The following DDX31 variants were observed in gnomAD, a reference collection of about 807,000 sequenced individuals.
The protein encoded by DDX31 is DEAD-box helicase 31.
A neutral mutation model predicts 91.3 loss-of-function variants in DDX31; 70 were observed. The observed-to-expected ratio is 0.77, with a 90% CI of 0.63 to 0.94. The LOEUF (loss-of-function observed/expected upper bound fraction) is 0.94, where lower values mean the gene tolerates loss of function less well. DDX31 is among the 40% of genes least tolerant of loss of function. The pLI is 0.00. For synonymous variants in DDX31, 362 were observed against 350.6 expected, an observed-to-expected ratio of 1.03 and a Z score of -0.36; for missense variants, 902 against 925.0, an observed-to-expected ratio of 0.98 and a Z score of 0.32.
intron 11 of DDX31, among the ~76,000 whole-genome samples, chr9:132,647,641 G>A (rs1833919802): frequency 6.6e-6 from 1 of 152,188 alleles, no homozygotes; most frequent in Non-Finnish European, 1.5e-5. Flanking sequence ...AAGCTGCACT[G>A]CTGGTCAATG....
At chr9:132,615,567 C>T (rs1185791000) in intron 18 of DDX31, among the ~76,000 whole-genome samples, 3 of 151,790 alleles carry the variant, frequency 2.0e-5, no homozygotes, top group Non-Finnish European at 4.4e-5. Context: ...TGTGGGTTTT[C>T]TAGACTTTGA....
intron 6 of DDX31, chr9:132,658,017 C>A: frequency 2.9e-6 from 1 of 343,108 alleles, no homozygotes; most frequent in East Asian, 4.4e-5. Context: ...AAGCAAACAC[C>A]ACATTGGAAC....
intron 19 of DDX31, among the ~76,000 whole-genome samples, chr9:132,605,855 A>C (rs1233990422): frequency 6.6e-6 from 1 of 152,066 alleles, no homozygotes; most frequent in African/African-American, 2.4e-5. Flanking sequence ...GCCTAACGGG[A>C]TGCCACTGAA....
intron 1 of DDX31, among the ~76,000 whole-genome samples, chr9:132,665,625 A>G (rs1027118118): frequency 6.6e-6 from 1 of 152,102 alleles, no homozygotes; most frequent in Non-Finnish European, 1.5e-5. Flanking sequence ...TCTACTAAAA[A>G]TCTACTAAAA....
At chr9:132,651,771 A>G (rs1282785401) in intron 7 of DDX31, among the ~76,000 whole-genome samples, 1 of 152,218 alleles carries the variant, frequency 6.6e-6, no homozygotes, top group Non-Finnish European at 1.5e-5. Flanking sequence ...CATATTTAGT[A>G]TTCATGAAGC....
chr9:132,606,259 G>A (rs1831016050), intron 19 of DDX31, among the ~76,000 whole-genome samples: 1 of 152,212 alleles, frequency 6.6e-6, no homozygotes, highest in Non-Finnish European at 1.5e-5. Context: ...TTCCAGGTTT[G>A]CCTTCAGCTA....
chr9:132,612,489 G>A (rs7018517), intron 18 of DDX31, among the ~76,000 whole-genome samples: 1,613 of 152,270 alleles, frequency 0.011, 12 homozygotes, highest in African/African-American at 0.032. Context: ...GAATATGCCC[G>A]ATAAAATATC....
In DDX31 at chr9:132,632,102, G is replaced by A. The variant is rs979959763; in HGVS notation, c.1441-11C>T. On this transcript the variant is annotated splice_polypyrimidine_tract_variant and intron_variant, in intron 14 of 19. Transcript: ENST00000372159. ...CCGAGCTGCAACATCCTTTAACAAAGAAAAGAATATGGTTTAACACTGAGT... is the reference window on the plus strand; with the variant it reads ...CCGAGCTGCAACATCCTTTAACAAAAAAAAGAATATGGTTTAACACTGAGT... The A allele has an allele frequency of 1.2e-6, 2 of 1,611,812 alleles. No individual in the cohort carries two copies. Among genetic ancestry groups the A allele is most frequent in the African/African-American group, 2.7e-5 (2 of 74,782 alleles).
chr9:132,625,290 C>T (rs989495692), intron 17 of DDX31, among the ~76,000 whole-genome samples: 1 of 152,126 alleles, frequency 6.6e-6, no homozygotes, highest in African/African-American at 2.4e-5. Context: ...TTATTTCTTC[C>T]ATGCTGTCTG....
intron 19 of DDX31, among the ~76,000 whole-genome samples, chr9:132,601,931 G>A (rs2119206440): frequency 6.6e-6 from 1 of 152,348 alleles, no homozygotes; most frequent in African/African-American, 2.4e-5. Context: ...TGTTAGGAAA[G>A]TACTCAGTAA....
intron 19 of DDX31, among the ~76,000 whole-genome samples, chr9:132,602,434 AGG>A (rs1218501744): frequency 3.9e-4 from 60 of 152,322 alleles, no homozygotes; most frequent in African/African-American, 1.4e-3. Context: ...CACTGAGCTA[AGG>A]CTGCACATTC....
chr9:132,648,225 G>T lies in DDX31; in HGVS notation c.931C>A (p.Arg311=). The change falls in exon 11 of 20, where the codon CGA becomes AGA. Residue 311 remains arginine, a synonymous_variant. Transcript: ENST00000372159. ...GTCGCTGATAGCAAGACATTCTGTC[G>T]TTTTTGGCATTCAGCATTTACAGCA... ...LNAVNAECQK[R]QNVLLSATLT... 1 of 1,613,852 alleles carries T rather than the reference G, an allele frequency of 6.2e-7. No homozygotes were observed. The highest frequency in any genetic ancestry group is 8.5e-7 in the Non-Finnish European group (1 of 1,179,950).
intron 19 of DDX31, among the ~76,000 whole-genome samples, chr9:132,609,673 G>A (rs530101812): frequency 2.6e-5 from 4 of 152,034 alleles, no homozygotes; most frequent in Non-Finnish European, 5.9e-5. Flanking sequence ...CCAGGCTGGA[G>A]TGCAGTGGCG....
intron 4 of DDX31, chr9:132,660,981 G>C: frequency 1.9e-6 from 1 of 516,406 alleles, no homozygotes; most frequent in East Asian, 3.4e-5. Context: ...TGGATGAGAC[G>C]TCTCTTGCGG....
intron 7 of DDX31, among the ~76,000 whole-genome samples, chr9:132,651,888 C>G: frequency 6.6e-6 from 1 of 152,132 alleles, no homozygotes; most frequent in East Asian, 1.9e-4. Context: ...ATATGAAAAG[C>G]TGACTTCAAA....
intron 5 of DDX31, among the ~76,000 whole-genome samples, chr9:132,659,165 T>C (rs551326806): frequency 6.6e-6 from 1 of 152,306 alleles, no homozygotes; most frequent in South Asian, 2.1e-4. Context: ...TAATCTCTAA[T>C]TGCAGAGAAA....
At chr9:132,637,116 C>A (rs7848282) in intron 14 of DDX31, among the ~76,000 whole-genome samples, 14,608 of 152,140 alleles carry the variant, frequency 0.096, 835 homozygotes, top group Admixed American at 0.17. Context: ...TCTCTGTACT[C>A]TCCTCTTCCA....
chr9:132,665,157 TCCCCTGTATAGG>T (rs1323490538), intron 1 of DDX31, among the ~76,000 whole-genome samples: 2 of 152,216 alleles, frequency 1.3e-5, no homozygotes, highest in South Asian at 2.1e-4. Flanking sequence ...TAGCACTGTA[TCCCCTGTATAGG>T]CCCCTGTCTG....
chr9:132,632,716 C>T (rs1488756269), intron 14 of DDX31, among the ~76,000 whole-genome samples: 1 of 152,204 alleles, frequency 6.6e-6, no homozygotes, highest in East Asian at 1.9e-4. Context: ...ATCTAGTAAC[C>T]CCCTACCCCC....
Sources: gnomAD v4.1 joint callset for allele counts (sites outside exome capture counted in the v4.1 genomes callset) on GRCh38, gnomAD v4.1.1 for gene constraint, MANE v1.5 for transcripts, NCBI Gene and HGNC (gene_info 2026-07-23, HGNC 2026-07-21) for gene names.